ZNF248: variants seen among roughly 807,000 people sequenced by gnomAD.
ZNF248 encodes the protein zinc finger protein 248, also known as KRAB protein domain.
ZNF248 carries 20 observed loss-of-function variants against 44.3 expected under a neutral mutation model. That is an observed-to-expected ratio of 0.45 (90% CI 0.32 to 0.66). The LOEUF is 0.66. ZNF248 is among the 30% of genes least tolerant of loss of function. The pLI is 0.04. For synonymous variants in ZNF248, 224 were observed against 229.0 expected, an observed-to-expected ratio of 0.98 and a Z score of 0.20; for missense variants, 654 against 677.0, an observed-to-expected ratio of 0.97 and a Z score of 0.38.
At chr10:37,765,385 G>C in the ZNF248 span, among the ~76,000 whole-genome samples, 1 of 152,152 alleles carries the variant, frequency 6.6e-6, no homozygotes, top group African/African-American at 2.4e-5. Flanking sequence ...AAGGAAAAAA[G>C]TTTCAGCATC....
At chr10:37,766,686 G>T in the ZNF248 span, among the ~76,000 whole-genome samples, 4 of 152,182 alleles carry the variant, frequency 2.6e-5, no homozygotes, top group African/African-American at 9.7e-5. Context: ...AAACAGAGTA[G>T]AAAAACTGGA....
At chr10:37,833,659 C>T (rs1388813017) in intron 5 of ZNF248, among the ~76,000 whole-genome samples, 3 of 152,146 alleles carry the variant, frequency 2.0e-5, no homozygotes, top group Non-Finnish European at 2.9e-5. Context: ...ATTCTGAAAA[C>T]ATCAACTTCC....
At chr10:37,807,755 C>T (rs1217565076) in intron 6 of ZNF248, among the ~76,000 whole-genome samples, 1 of 152,148 alleles carries the variant, frequency 6.6e-6, no homozygotes, top group African/African-American at 2.4e-5. Flanking sequence ...TTGTATTCTG[C>T]TCCTTTGCTG....
intron 6 of ZNF248, among the ~76,000 whole-genome samples, chr10:37,783,000 AG>A (rs2047495150): frequency 6.6e-6 from 1 of 152,188 alleles, no homozygotes; most frequent in African/African-American, 2.4e-5. Context: ...CAAACCTGGA[AG>A]GCCCTAGCAA....
intron 6 of ZNF248, among the ~76,000 whole-genome samples, chr10:37,790,857 C>A (rs1034770888): frequency 6.7e-6 from 1 of 149,422 alleles, no homozygotes; most frequent in Non-Finnish European, 1.5e-5. Context: ...AAGGTCAAGG[C>A]TGCAGTGAGC....
At chr10:37,782,727 A>G (rs573174729) in intron 6 of ZNF248, among the ~76,000 whole-genome samples, 1 of 152,242 alleles carries the variant, frequency 6.6e-6, no homozygotes, top group South Asian at 2.1e-4. Flanking sequence ...TGATGTGTCT[A>G]CAAGTCAAGG....
chr10:37,786,805 TC>T (rs1488295457), intron 6 of ZNF248, among the ~76,000 whole-genome samples: 2 of 152,218 alleles, frequency 1.3e-5, no homozygotes, highest in Non-Finnish European at 2.9e-5. Context: ...AAAGAGGCAT[TC>T]CATGTTTATG....
chr10:37,823,928 AAT>A (rs1467591342), downstream of ZNF248, among the ~76,000 whole-genome samples: 2 of 152,112 alleles, frequency 1.3e-5, no homozygotes, highest in African/African-American at 4.8e-5. Flanking sequence ...TCTGAAAAAA[AAT>A]ATGTAAAGGC....
downstream of ZNF248, among the ~76,000 whole-genome samples, chr10:37,772,766 G>T (rs1330569727): frequency 6.6e-6 from 1 of 152,126 alleles, no homozygotes; most frequent in Non-Finnish European, 1.5e-5. Context: ...TCTTTCCAAT[G>T]ATTTCATTTA....
intron 3 of ZNF248, 94 bp downstream of exon 3, chr10:37,856,202 C>T: frequency 2.8e-6 from 4 of 1,417,298 alleles, no homozygotes; most frequent in South Asian, 2.7e-5. Context: ...CAATTTTTGC[C>T]TATTTCTATT....
At chr10:37,841,179 A>T (rs2058276147) in intron 3 of ZNF248, among the ~76,000 whole-genome samples, 1 of 152,208 alleles carries the variant, frequency 6.6e-6, no homozygotes, top group African/African-American at 2.4e-5. Context: ...GTGGATTTTT[A>T]AAATTTTTAC....
intron 6 of ZNF248, among the ~76,000 whole-genome samples, chr10:37,785,116 A>G (rs2047733804): frequency 6.6e-6 from 1 of 152,172 alleles, no homozygotes; most frequent in South Asian, 2.1e-4. Flanking sequence ...AGGGTTTCAT[A>G]GCAGGTTCCA....
intron 6 of ZNF248, chr10:37,794,679 G>A: frequency 6.2e-6 from 1 of 162,018 alleles, no homozygotes. Flanking sequence ...TCCTGTGTGT[G>A]TTCTCTGATG....
chr10:37,804,101 C>CTTTTTTTTTTTTTT (rs59261731), intron 6 of ZNF248, among the ~76,000 whole-genome samples: 39 of 124,884 alleles, frequency 3.1e-4, no homozygotes, highest in African/African-American at 4.2e-4. Context: ...TTTTCTTTTT[C>CTTTTTTTTTTTTTT]TTTTTTTTTT....
At chr10:37,767,739 A>G in the ZNF248 span, among the ~76,000 whole-genome samples, 1 of 152,246 alleles carries the variant, frequency 6.6e-6, no homozygotes, top group Non-Finnish European at 1.5e-5. Context: ...ATAACCAGCT[A>G]ACATCATAAT....
At chr10:37,840,571 C>T (rs1296774701) in intron 3 of ZNF248, among the ~76,000 whole-genome samples, 1 of 152,080 alleles carries the variant, frequency 6.6e-6, no homozygotes, top group Non-Finnish European at 1.5e-5. Flanking sequence ...GGTGGGAGTG[C>T]AAAATGATAC....
chr10:37,819,159 T>C, intron 6 of ZNF248: 2 of 786,214 alleles, frequency 2.5e-6, no homozygotes, highest in Non-Finnish European at 4.6e-6. Flanking sequence ...TAGTGTATGA[T>C]GGGAGGTTTT....
In ZNF248 at chr10:37,790,659, G is replaced by C. The variant is rs1279280405; in HGVS notation, c.331-14084C>G. 9.2e-5 allele frequency among the ~76,000 whole-genome samples: 14 copies of C among 151,876 alleles called. No homozygotes were observed. In the East Asian group the frequency reaches 2.7e-3, roughly 29 times the overall value. On this transcript the variant is annotated intron_variant, in intron 6 of 6. Transcript: ENST00000615949. ...TGGGAGGCAGTGGTTGCAGTGAGCC[G>C]AGATGGCATCACTGCACTCCAGCCT...
chr10:37,855,072 A>T (rs1430336012), intron 3 of ZNF248, among the ~76,000 whole-genome samples: 1 of 152,234 alleles, frequency 6.6e-6, no homozygotes. Flanking sequence ...TTTTAAGTAA[A>T]CTGAGGAAGC....
Sources: gnomAD v4.1 joint callset for allele counts (sites outside exome capture counted in the v4.1 genomes callset) on GRCh38, gnomAD v4.1.1 for gene constraint, MANE v1.5 for transcripts, NCBI Gene and HGNC (gene_info 2026-07-23, HGNC 2026-07-21) for gene names.